Variants in DENND1A observed in about 807,000 individuals in gnomAD.
The protein encoded by DENND1A is DENN domain containing 1A, also known as DENN domain-containing protein 1A.
In DENND1A, 51 loss-of-function variants were observed where a neutral mutation model predicts 113.7. That is an observed-to-expected ratio of 0.45 (90% CI 0.36 to 0.57). The LOEUF (loss-of-function observed/expected upper bound fraction) is 0.57, where lower values mean the gene tolerates loss of function less well. DENND1A is among the 20% of genes least tolerant of loss of function. DENND1A has a pLI of 0.00. For missense variants in DENND1A, 1,258 were observed against 1,395.9 expected, an observed-to-expected ratio of 0.90 and a Z score of 1.57; for synonymous variants, 565 against 570.8, an observed-to-expected ratio of 0.99 and a Z score of 0.14.
intron 5 of DENND1A, among the ~76,000 whole-genome samples, chr9:123,679,542 A>C (rs1222604234): frequency 6.6e-6 from 1 of 152,170 alleles, no homozygotes; most frequent in Non-Finnish European, 1.5e-5. Context: ...TGTTCCCCAC[A>C]TGTTGTCCCC....
In DENND1A at chr9:123,607,492, C is replaced by G. The variant is rs546345351; in HGVS notation, c.765+1944G>C. Reference sequence around the variant, plus strand: ...AGAGAGAGACACAGAGAGAGAGACACACACACACACACACACACACACACA... The same window carrying G: ...AGAGAGAGACACAGAGAGAGAGACAGACACACACACACACACACACACACA... On this transcript the variant is annotated intron_variant, in intron 11 of 23. Transcript: ENST00000394215. 5.4e-3 allele frequency among the ~76,000 whole-genome samples: 282 copies of G among 52,242 alleles called. 1 individual carries two copies. Among genetic ancestry groups the G allele is most frequent in the African/African-American group, 0.014 (174 of 12,664 alleles). The allele number at this position is 52,242 out of a possible 152,430, so 34.3% of individuals were successfully genotyped here. A position where few individuals can be genotyped will look rare whatever the true frequency, so the allele number is the denominator to read the frequency against.
chr9:123,808,539 CCTGA>C (rs1275332493), intron 2 of DENND1A, among the ~76,000 whole-genome samples: 6 of 151,990 alleles, frequency 3.9e-5, no homozygotes, highest in African/African-American at 1.5e-4. Flanking sequence ...CGCCACTATG[CCTGA>C]CTAATATTTG....
chr9:123,621,757 C>T (rs1247508757), intron 10 of DENND1A, among the ~76,000 whole-genome samples: 1 of 152,182 alleles, frequency 6.6e-6, no homozygotes, highest in East Asian at 1.9e-4. Flanking sequence ...ATCAACAATT[C>T]CACTTAATCT....
intron 20 of DENND1A, among the ~76,000 whole-genome samples, chr9:123,404,615 C>CTCCTT (rs1564427362): frequency 1.7e-5 from 1 of 58,868 alleles, no homozygotes; most frequent in African/African-American, 6.9e-5. Context: ...CACACTCCAC[C>CTCCTT]TCCTGCCCAC....
intron 6 of DENND1A, among the ~76,000 whole-genome samples, chr9:123,674,214 G>A (rs2140042812): frequency 6.6e-6 from 1 of 152,118 alleles, no homozygotes; most frequent in East Asian, 1.9e-4. Context: ...CCACAAGGGT[G>A]CCCATTCAAG....
At position 123,752,624 on chromosome 9, in the gene DENND1A, T is replaced by C. The variant is rs555923610; in HGVS notation, c.302+5079A>G. On this transcript the variant is annotated intron_variant, in intron 5 of 23. Transcript: ENST00000394215. ...CCTTTGAACTCCTGTGTTCCTTCTGTTGATCCAGAACTAGAAGTTGGCTAG... is the reference window on the plus strand; with the variant it reads ...CCTTTGAACTCCTGTGTTCCTTCTGCTGATCCAGAACTAGAAGTTGGCTAG... Among the ~76,000 whole-genome samples the C allele has an allele frequency of 3.3e-5, 5 of 152,346 alleles. No homozygotes were observed. The East Asian group carries it at 5.8e-4, about 18-fold the overall frequency.
chr9:123,667,013 C>A lies in DENND1A; in HGVS notation c.507+13G>T. 1 of 1,579,950 alleles carries A rather than the reference C, an allele frequency of 6.3e-7. No individual in the cohort carries two copies. The highest frequency in any genetic ancestry group is 1.2e-5 in the South Asian group (1 of 83,122). On this transcript the variant is annotated intron_variant, in intron 8 of 23. Transcript: ENST00000394215. ...AATAAAAATTTAATTTTTTCTTCTT[C>A]CCAAGTACTTACATTCTCAGGTATG...
At position 123,381,480 on chromosome 9, in the gene DENND1A, G is replaced by C; in HGVS notation, c.3165C>G (p.Ala1055=). Residue 1055 remains alanine (A), a synonymous_variant, in exon 24 of 24, where the codon GCC becomes GCG. Coordinates refer to ENST00000394215, the MANE Select transcript of DENND1A (RefSeq NM_001352964.2). The surrounding 1 kb of genome is among the most constrained non-coding windows in gnomAD (Gnocchi z 4.7). ...DVSPSPALAP[A]PDSVEQLRKQ... ...TCCTGAGCTGCTCCACCGAGTCTGG[G>C]GCCGGGGCCAGGGCCGGACTCGGGC... The C allele has an allele frequency of 6.2e-7, 1 of 1,613,608 alleles. No homozygotes were observed. Among genetic ancestry groups the C allele is most frequent in the Non-Finnish European group, 8.5e-7 (1 of 1,179,978 alleles).
At position 123,422,727 on chromosome 9, in the gene DENND1A, A is replaced by T. The variant is rs985168923; in HGVS notation, c.1489-10898T>A. 2.0e-5 allele frequency among the ~76,000 whole-genome samples: 3 copies of T among 152,192 alleles called. No individual in the cohort carries two copies. Among genetic ancestry groups the T allele is most frequent in the Non-Finnish European group, 4.4e-5 (3 of 68,030 alleles). On this transcript the variant is annotated intron_variant, in intron 19 of 23. Coordinates refer to ENST00000394215, the MANE Select transcript of DENND1A (RefSeq NM_001352964.2). The surrounding 1 kb of genome is among the most constrained non-coding windows in gnomAD (Gnocchi z 4.8). ...ATATGCGGCTCTCCAATTTGTACGG[A>T]CTGCACACAGCTCCCTGCAATGTGT...
intron 1 of DENND1A, among the ~76,000 whole-genome samples, chr9:123,923,324 C>A (rs562011203): frequency 5.5e-4 from 84 of 152,326 alleles, no homozygotes; most frequent in African/African-American, 1.9e-3. Context: ...TGACTCTGAG[C>A]ACTAACGATG....
intron 10 of DENND1A, among the ~76,000 whole-genome samples, chr9:123,629,733 G>A (rs983315292): frequency 2.0e-5 from 3 of 152,148 alleles, no homozygotes; most frequent in South Asian, 2.1e-4. Flanking sequence ...ACAGTTTAGC[G>A]CTGCCTGGCT....
chr9:123,592,332 C>T (rs2059495135), intron 11 of DENND1A, among the ~76,000 whole-genome samples: 1 of 152,214 alleles, frequency 6.6e-6, no homozygotes. Context: ...TTGTTCTTTT[C>T]TTGGCTATGT....
intron 2 of DENND1A, among the ~76,000 whole-genome samples, chr9:123,841,968 T>G (rs1157484376): frequency 1.3e-5 from 2 of 152,194 alleles, no homozygotes; most frequent in African/African-American, 4.8e-5. Context: ...TTCAGACATT[T>G]TGAATTTCAG....
intron 13 of DENND1A, among the ~76,000 whole-genome samples, chr9:123,484,688 C>A (rs1021562224): frequency 1.3e-5 from 2 of 152,202 alleles, no homozygotes; most frequent in African/African-American, 4.8e-5. Context: ...ATTCAGTTCT[C>A]CCCTGAGCCT....
intron 1 of DENND1A, among the ~76,000 whole-genome samples, chr9:123,892,880 G>T (rs1400855850): frequency 6.6e-6 from 1 of 152,160 alleles, no homozygotes; most frequent in Non-Finnish European, 1.5e-5. Context: ...TACTCAAGTG[G>T]CTGAGGCAGG....
intron 13 of DENND1A, among the ~76,000 whole-genome samples, chr9:123,499,838 C>T (rs958342616): frequency 9.8e-5 from 15 of 152,324 alleles, no homozygotes; most frequent in South Asian, 2.1e-4. Context: ...TCACAGCAAA[C>T]GCTCCTGACT....
At chr9:123,739,331 C>T (rs1337632235) in intron 5 of DENND1A, among the ~76,000 whole-genome samples, 6 of 151,690 alleles carry the variant, frequency 4.0e-5, no homozygotes, top group African/African-American at 7.3e-5. Context: ...AGACCCCGGG[C>T]TTTCTTCCTA....
At chr9:123,721,001 C>T (rs544880888) in intron 5 of DENND1A, among the ~76,000 whole-genome samples, 1 of 152,344 alleles carries the variant, frequency 6.6e-6, no homozygotes, top group East Asian at 1.9e-4. Context: ...CTCCAAGTGT[C>T]TGACCCAGAA....
chr9:123,714,407 G>A lies in DENND1A; in HGVS notation c.303-37618C>T, dbSNP rs1265416492. On this transcript the variant is annotated intron_variant, in intron 5 of 23. Coordinates refer to ENST00000394215, the MANE Select transcript of DENND1A (RefSeq NM_001352964.2). ...ACTTAAGGTCAGGAGTTCGAGACCG[G>A]CCTGGCCAACATGGTGAAACCCCAT... Among the ~76,000 whole-genome samples the A allele has an allele frequency of 2.0e-5, 3 of 152,118 alleles. No homozygotes were observed. In the East Asian group the frequency reaches 5.8e-4, roughly 29 times the overall value.
Sources: gnomAD v4.1 joint callset for allele counts (sites outside exome capture counted in the v4.1 genomes callset) on GRCh38, gnomAD v4.1.1 for gene constraint, Gnocchi (gnomAD v3.1) non-coding constraint, MANE v1.5 for transcripts, NCBI Gene and HGNC (gene_info 2026-07-23, HGNC 2026-07-21) for gene names.